The following MUC7 variants were observed in gnomAD, a reference collection of about 807,000 sequenced individuals.
MUC7 encodes mucin-7.
In MUC7, 2 loss-of-function variants were observed where a neutral mutation model predicts 2.5. That is an observed-to-expected ratio of 0.81 (90% CI 0.33 to 2.55). The LOEUF (loss-of-function observed/expected upper bound fraction) is 2.55, where lower values mean the gene tolerates loss of function less well. Among genes scored for constraint, MUC7 ranks in the 30% most tolerant of loss-of-function variants. The probability of loss-of-function intolerance (pLI) is 0.11; values close to 1 mark genes in which losing one functional copy is unlikely to be tolerated. For missense variants in MUC7, 408 were observed against 455.6 expected (o/e 0.90, Z 0.95); for synonymous variants, 133 against 173.4 (o/e 0.77, Z 1.83).
chr4:70,464,789 G>C (rs1577909797), intron 1 of MUC7, among the ~76,000 whole-genome samples: 1 of 152,296 alleles, frequency 6.6e-6, no homozygotes, highest in East Asian at 1.9e-4. Context: ...CTGGGACAAA[G>C]CACCTGGGGA....
rs537567703 is a variant in MUC7 at position 70,466,389 on chromosome 4, G to A, written c.-92-5826G>A. ...TAACCAGCTAACATCATAACGACAG[G>A]ATCAAATTCATGCATAACAATATTA... On this transcript the variant is annotated intron_variant, in intron 1 of 3. Coordinates refer to the MUC7 transcript ENST00000413702. 8.9e-3 allele frequency among the ~76,000 whole-genome samples: 1,352 copies of A among 152,188 alleles called. 18 individuals carry two copies. Among genetic ancestry groups the A allele is most frequent in the African/African-American group, 0.031 (1,285 of 41,522 alleles).
chr4:70,448,582 A>T (rs1734198840), intron 1 of MUC7, among the ~76,000 whole-genome samples: 1 of 152,176 alleles, frequency 6.6e-6, no homozygotes. Context: ...TTGAAGAAAT[A>T]TGTATTCAAA....
chr4:70,464,552 C>T (rs893388704), intron 1 of MUC7, among the ~76,000 whole-genome samples: 9 of 152,116 alleles, frequency 5.9e-5, no homozygotes, highest in South Asian at 2.1e-4. Context: ...GAATCTCAAG[C>T]GTGGTCGGGG....
chr4:70,463,569 A>G (rs1385857095), intron 1 of MUC7, among the ~76,000 whole-genome samples: 1 of 152,230 alleles, frequency 6.6e-6, no homozygotes, highest in Non-Finnish European at 1.5e-5. Context: ...CTCAGTTGAC[A>G]GTACACTATG....
intron 1 of MUC7, among the ~76,000 whole-genome samples, chr4:70,441,139 G>A (rs1050533425): frequency 3.3e-5 from 5 of 152,140 alleles, no homozygotes; most frequent in African/African-American, 4.8e-5. Flanking sequence ...TCTGGAAATT[G>A]AGTAGAGAAG....
At chr4:70,456,096 CCTGT>C (rs1397993268) in intron 1 of MUC7, among the ~76,000 whole-genome samples, 2 of 152,136 alleles carry the variant, frequency 1.3e-5, no homozygotes, top group East Asian at 3.9e-4. Flanking sequence ...TCCTCATCTT[CCTGT>C]CTTTTTCTCA....
intron 1 of MUC7, among the ~76,000 whole-genome samples, chr4:70,463,199 C>G (rs66505517): frequency 0.18 from 27,128 of 151,410 alleles, 2,806 homozygotes; most frequent in African/African-American, 0.27. Context: ...CTTCAAACCA[C>G]AAAAAAAAAT....
intron 1 of MUC7, among the ~76,000 whole-genome samples, chr4:70,437,947 T>C (rs1733896107): frequency 1.3e-5 from 2 of 152,208 alleles, no homozygotes; most frequent in Admixed American, 1.3e-4. Context: ...TTTGAGCAGA[T>C]CTTGAATAGA....
In MUC7 at chr4:70,434,133, T is replaced by C. The variant is rs752561141; in HGVS notation, c.-93+3446T>C. Among the ~76,000 whole-genome samples the C allele has an allele frequency of 6.6e-5, 10 of 152,344 alleles. No individual in the cohort carries two copies. The East Asian group carries it at 1.5e-3, about 23-fold the overall frequency. On this transcript the variant is annotated intron_variant, in intron 1 of 3. Transcript: ENST00000413702. ...CTGGATTAAGTTTGCCAGTATTTTATTGAGGATTTTTGCATCAATGTTCAT... is the reference window on the plus strand; with the variant it reads ...CTGGATTAAGTTTGCCAGTATTTTACTGAGGATTTTTGCATCAATGTTCAT...
At chr4:70,471,894 T>C (rs1287606000), upstream of MUC7, 1 of 152,092 alleles carries the variant, frequency 6.6e-6, no homozygotes, top group Admixed American at 6.6e-5. Flanking sequence ...AAAGAGTGGA[T>C]GATCTGTTCC....
intron 1 of MUC7, among the ~76,000 whole-genome samples, chr4:70,444,180 T>C (rs1288099983): frequency 6.6e-6 from 1 of 151,858 alleles, no homozygotes; most frequent in Non-Finnish European, 1.5e-5. Flanking sequence ...ACAGATGAGA[T>C]TCCTGTCAGC....
At chr4:70,435,440 G>C (rs2200986) in intron 1 of MUC7, among the ~76,000 whole-genome samples, 113,571 of 152,108 alleles carry the variant, frequency 0.75, 42,778 homozygotes, top group Admixed American at 0.82. Context: ...TGAATTGATC[G>C]CTTTACCATT....
In MUC7 at chr4:70,480,248, T is replaced by C. The variant is rs115084388; in HGVS notation, c.55-551T>C. On this transcript the variant is annotated intron_variant, in intron 2 of 2. Coordinates refer to ENST00000304887, the MANE Select transcript of MUC7 (RefSeq NM_152291.3). ...AATGACCAAAGTTGTTTCTCCAATTTATAAAGGCTAAAAACTGTTTCCTGA... is the reference window on the plus strand; with the variant it reads ...AATGACCAAAGTTGTTTCTCCAATTCATAAAGGCTAAAAACTGTTTCCTGA... Among the ~76,000 whole-genome samples the C allele has an allele frequency of 7.4e-3, 1,122 of 152,308 alleles. 11 individuals are homozygous for C. The highest frequency in any genetic ancestry group is 0.026 in the African/African-American group (1,071 of 41,556).
intron 1 of MUC7, among the ~76,000 whole-genome samples, chr4:70,431,911 C>A (rs948707799): frequency 2.6e-5 from 4 of 152,096 alleles, no homozygotes; most frequent in Non-Finnish European, 2.9e-5. Context: ...CCCCACCCCA[C>A]GACAGGCCCC....
chr4:70,476,301 T>C (rs1290005530), intron 2 of MUC7, among the ~76,000 whole-genome samples: 2 of 152,206 alleles, frequency 1.3e-5, no homozygotes, highest in Non-Finnish European at 2.9e-5. Context: ...CACCTCTATA[T>C]TGAAAGAAAT....
chr4:70,460,775 A>G (rs1734535861), intron 1 of MUC7, among the ~76,000 whole-genome samples: 1 of 152,078 alleles, frequency 6.6e-6, no homozygotes, highest in Non-Finnish European at 1.5e-5. Flanking sequence ...GGGGGATGTC[A>G]GTGGAGGTTT....
upstream of MUC7, among the ~76,000 whole-genome samples, chr4:70,467,831 A>G (rs941686381): frequency 2.6e-5 from 4 of 152,212 alleles, no homozygotes; most frequent in African/African-American, 9.6e-5. Flanking sequence ...TACCAGAGGT[A>G]CAAAGAGAAG....
chr4:70,450,344 C>G (rs979316888), intron 1 of MUC7, among the ~76,000 whole-genome samples: 1 of 152,196 alleles, frequency 6.6e-6, no homozygotes, highest in African/African-American at 2.4e-5. Context: ...GGACAGTGGG[C>G]TCCCCTTTGT....
chr4:70,451,390 A>C lies in MUC7; in HGVS notation c.-93+20703A>C, dbSNP rs150207952. Among the ~76,000 whole-genome samples, 366 of 152,294 alleles carry C rather than the reference A, an allele frequency of 2.4e-3. 2 individuals carry two copies. The highest frequency in any genetic ancestry group is 8.3e-3 in the African/African-American group (345 of 41,568). ...CTTCAATGCCTCTTTTAGTGATATA[A>C]AGATAAACAAGGTACTATGAGTGCT... On this transcript the variant is annotated intron_variant, in intron 1 of 3. Coordinates refer to the MUC7 transcript ENST00000413702.
Sources: gnomAD v4.1 joint callset for allele counts (sites outside exome capture counted in the v4.1 genomes callset) on GRCh38, gnomAD v4.1.1 for gene constraint, MANE v1.5 for transcripts, NCBI Gene and HGNC (gene_info 2026-07-23, HGNC 2026-07-21) for gene names.